Variants in KCNMB4 observed in about 807,000 individuals in gnomAD.
The protein encoded by KCNMB4 is calcium-activated potassium channel subunit beta-4.
KCNMB4 carries 3 observed loss-of-function variants against 20.7 expected under a neutral mutation model. That is an observed-to-expected ratio of 0.14 (90% CI 0.07 to 0.37). The LOEUF is 0.37. Among genes scored for constraint, KCNMB4 ranks in the 10% least tolerant of loss-of-function variants. The pLI is 1.00. For missense variants in KCNMB4, 168 were observed against 265.9 expected, an observed-to-expected ratio of 0.63 and a Z score of 2.56; for synonymous variants, 110 against 113.4, an observed-to-expected ratio of 0.97 and a Z score of 0.19.
intron 1 of KCNMB4, 106 bp downstream of exon 1, chr12:70,367,176 G>T: frequency 1.2e-6 from 1 of 843,524 alleles, no homozygotes; most frequent in East Asian, 2.8e-5. Flanking sequence ...CGCATTGCTA[G>T]GAGGAGACCA....
rs1267457670 is a variant in KCNMB4 at position 70,432,313 on chromosome 12, G to T, written c.*1660G>T. 6.6e-6 allele frequency: 1 copy of T among 152,188 alleles called. No individual in the cohort carries two copies. The highest frequency in any genetic ancestry group is 1.5e-5 in the Non-Finnish European group (1 of 68,060). 9.4% of individuals were successfully genotyped at this position (152,188 alleles called of 1,614,324 possible). ...CAAAGTGCTGGGATTACAGGCCAAT[G>T]TTTTCTTAATCTTAGAATGTGAATA... On this transcript the variant is annotated 3_prime_UTR_variant, in exon 3 of 3. Coordinates refer to ENST00000258111, the MANE Select transcript of KCNMB4 (RefSeq NM_014505.6).
chr12:70,368,702 G>A (rs12582186), intron 1 of KCNMB4, among the ~76,000 whole-genome samples: 11,811 of 151,960 alleles, frequency 0.078, 573 homozygotes, highest in Admixed American at 0.15. Flanking sequence ...TTGGTGAAAC[G>A]TTGCTAATTA....
At chr12:70,367,142 C>A in intron 1 of KCNMB4, 72 bp downstream of exon 1, 1 of 1,246,888 alleles carries the variant, frequency 8.0e-7, no homozygotes, top group Non-Finnish European at 1.1e-6. Flanking sequence ...TTAGACTCCG[C>A]GCGGGGAGGG....
At chr12:70,379,051 T>C (rs1415969255) in intron 1 of KCNMB4, among the ~76,000 whole-genome samples, 1 of 152,180 alleles carries the variant, frequency 6.6e-6, no homozygotes, top group Non-Finnish European at 1.5e-5. Flanking sequence ...ACAGTGGGCT[T>C]TAAATATTCA....
chr12:70,372,944 A>AAG lies in KCNMB4; in HGVS notation c.336+5878_336+5879dup. Among the ~76,000 whole-genome samples the AAG allele has an allele frequency of 2.0e-5, 3 of 152,332 alleles. No individual in the cohort carries two copies. In the South Asian group the frequency reaches 6.2e-4, roughly 32 times the overall value. ...GAGTAAAGGGAGGCAGGGTGGAATG[A>AAG]AGAGAACATCAAAGAAGATAAAATG... is the stretch of plus-strand genomic sequence containing the variant. On this transcript the variant is annotated intron_variant, in intron 1 of 2. Transcript: ENST00000258111.
At chr12:70,409,904 T>G (rs1384085340) in intron 2 of KCNMB4, among the ~76,000 whole-genome samples, 1 of 152,176 alleles carries the variant, frequency 6.6e-6, no homozygotes, top group Non-Finnish European at 1.5e-5. Flanking sequence ...GGGCTTAGAT[T>G]TCTCTTAAAA....
chr12:70,372,896 G>C (rs1883623205), intron 1 of KCNMB4, among the ~76,000 whole-genome samples: 1 of 152,192 alleles, frequency 6.6e-6, no homozygotes, highest in African/African-American at 2.4e-5. Flanking sequence ...GTCCGAGGAT[G>C]AACAGAGTTT....
chr12:70,423,472 T>C (rs1397876079), intron 2 of KCNMB4, among the ~76,000 whole-genome samples: 1 of 151,824 alleles, frequency 6.6e-6, no homozygotes, highest in Admixed American at 6.5e-5. Flanking sequence ...TTTTTCTTTT[T>C]CATCTTTTTT....
chr12:70,394,871 T>A (rs1868337625), intron 1 of KCNMB4, among the ~76,000 whole-genome samples: 1 of 152,150 alleles, frequency 6.6e-6, no homozygotes, highest in Non-Finnish European at 1.5e-5. Context: ...CTCACTTTGT[T>A]GCCCAGTGTG....
chr12:70,400,549 G>A (rs939692709), intron 2 of KCNMB4, among the ~76,000 whole-genome samples: 4 of 152,204 alleles, frequency 2.6e-5, no homozygotes, highest in African/African-American at 9.6e-5. Context: ...CAAAATGATA[G>A]TGACTTTAGG....
chr12:70,383,939 T>A (rs767500005), intron 1 of KCNMB4, among the ~76,000 whole-genome samples: 6 of 152,064 alleles, frequency 3.9e-5, no homozygotes, highest in Non-Finnish European at 7.4e-5. Context: ...CTTGATGATG[T>A]GCACCTATAA....
intron 2 of KCNMB4, 123 bp from the exon 3 acceptor site, chr12:70,430,362 C>A: frequency 1.0e-6 from 1 of 994,948 alleles, no homozygotes; most frequent in Non-Finnish European, 1.5e-6. Context: ...TGTTTATAGT[C>A]AGAGTGCAGC....
chr12:70,426,738 A>G (rs1869224885), intron 2 of KCNMB4, among the ~76,000 whole-genome samples: 1 of 152,222 alleles, frequency 6.6e-6, no homozygotes, highest in Non-Finnish European at 1.5e-5. Context: ...TACTTGAGCA[A>G]AGGGTCATTT....
At chr12:70,414,365 G>T (rs376288637) in intron 2 of KCNMB4, among the ~76,000 whole-genome samples, 1 of 152,304 alleles carries the variant, frequency 6.6e-6, no homozygotes, top group African/African-American at 2.4e-5. Context: ...TATAATCTCA[G>T]TGTGGAGGTA....
chr12:70,388,570 T>C (rs956843256), intron 1 of KCNMB4, among the ~76,000 whole-genome samples: 2 of 152,190 alleles, frequency 1.3e-5, no homozygotes, highest in African/African-American at 2.4e-5. Flanking sequence ...TGGGGTGAGA[T>C]GATATCTCAT....
At chr12:70,401,974 T>C (rs1868465239) in intron 2 of KCNMB4, among the ~76,000 whole-genome samples, 1 of 152,170 alleles carries the variant, frequency 6.6e-6, no homozygotes, top group African/African-American at 2.4e-5. Flanking sequence ...AGGCTTTGCC[T>C]CTTGATAGGA....
intron 2 of KCNMB4, among the ~76,000 whole-genome samples, chr12:70,417,453 A>T (rs936780046): frequency 1.3e-5 from 2 of 152,188 alleles, no homozygotes; most frequent in Non-Finnish European, 2.9e-5. Context: ...GACAGTTGTT[A>T]TGCACACATT....
At position 70,366,502 on chromosome 12, in the gene KCNMB4, C is replaced by T. The variant is rs1883492740; in HGVS notation, c.-233C>T. 6.8e-6 allele frequency: 1 copy of T among 147,110 alleles called. No homozygotes were observed. The highest frequency in any genetic ancestry group is 2.5e-5 in the African/African-American group (1 of 40,070). 9.1% of individuals were successfully genotyped at this position (147,110 alleles called of 1,614,324 possible). On this transcript the variant is annotated 5_prime_UTR_variant, in exon 1 of 3. Coordinates refer to ENST00000258111, the MANE Select transcript of KCNMB4 (RefSeq NM_014505.6). ...GGAGGCTCTGAAGCGGCTGCTGCAC[C>T]GCGGGGCCCAGGCGGCGGCTGGGGG...
chr12:70,428,912 C>T (rs752168600), intron 2 of KCNMB4, among the ~76,000 whole-genome samples: 29 of 152,096 alleles, frequency 1.9e-4, no homozygotes, highest in Non-Finnish European at 3.2e-4. Context: ...AAAATGACTG[C>T]GTTTACTTAA....
Sources: allele counts gnomAD v4.1 joint callset (sites outside exome capture counted in the v4.1 genomes callset), GRCh38; gene constraint gnomAD v4.1.1; transcripts MANE v1.5; gene names NCBI Gene and HGNC (gene_info 2026-07-23, HGNC 2026-07-21).